The following AQP8 variants were observed in gnomAD, a reference collection of about 807,000 sequenced individuals.
The protein encoded by AQP8 is aquaporin-8.
Under a neutral mutation model 26.1 loss-of-function variants are expected in AQP8, and 14 were observed. The ratio of observed to expected loss-of-function variants is 0.54; its 90% CI spans 0.35 to 0.84. AQP8 has a LOEUF of 0.84. Among genes scored for constraint, AQP8 ranks in the 40% least tolerant of loss-of-function variants. The pLI, the probability that AQP8 is intolerant of heterozygous loss-of-function variation, is 0.01. For synonymous variants in AQP8, 131 were observed against 150.7 expected (o/e 0.87, Z 0.96); for missense variants, 301 against 340.5 (o/e 0.88, Z 0.91).
intron 3 of AQP8, among the ~76,000 whole-genome samples, chr16:25,222,304 C>T (rs1394771018): frequency 6.6e-6 from 1 of 152,134 alleles, no homozygotes; most frequent in Non-Finnish European, 1.5e-5. Context: ...CACTATTGTC[C>T]TATGACCCTG....
intron 5 of AQP8, among the ~76,000 whole-genome samples, chr16:25,228,144 G>C (rs897644873): frequency 6.6e-6 from 1 of 151,892 alleles, no homozygotes; most frequent in African/African-American, 2.4e-5. Context: ...GTGCTTGTCT[G>C]TAGTCCCAGC....
chr16:25,223,830 C>CT (rs112495757), intron 3 of AQP8, among the ~76,000 whole-genome samples: 5,506 of 144,294 alleles, frequency 0.038, 319 homozygotes, highest in African/African-American at 0.12. Flanking sequence ...TTTTCTTTTT[C>CT]TTTTTTTTTT....
intron 2 of AQP8, among the ~76,000 whole-genome samples, chr16:25,220,912 G>A (rs111949685): frequency 0.035 from 5,340 of 152,276 alleles, 120 homozygotes; most frequent in African/African-American, 0.051. Context: ...TAAGCCAGGC[G>A]TGGTGGCACA....
chr16:25,225,176 G>GTCAC (rs1962614553), intron 4 of AQP8, among the ~76,000 whole-genome samples: 1 of 152,192 alleles, frequency 6.6e-6, no homozygotes, highest in South Asian at 2.1e-4. Flanking sequence ...AGAGATAGGG[G>GTCAC]TCACGCTCTG....
intron 2 of AQP8, among the ~76,000 whole-genome samples, chr16:25,220,039 AAAAAAAC>A (rs760762038): frequency 9.2e-5 from 14 of 151,918 alleles, no homozygotes; most frequent in East Asian, 7.7e-4. Context: ...TGTCTCAAAA[AAAAAAAC>A]AAAAAACAAA....
Position 25,224,438 on chromosome 16 carries a change from CA to C in AQP8, c.465del (p.Ala157ArgfsTer8), listed in dbSNP as rs979065024. The C allele has an allele frequency of 1.2e-6, 2 of 1,614,032 alleles. No individual in the cohort carries two copies. Among genetic ancestry groups the C allele is most frequent in the African/African-American group, 2.7e-5 (2 of 74,916 alleles). ...FVTVQEQGQV[A>X]GALVAEIILT... Reference sequence around the variant, plus strand: ...ACAGTCCAGGAGCAGGGGCAGGTGGCAGGGGCGTTGGTGGCAGAGATCATCC... The same window carrying C: ...ACAGTCCAGGAGCAGGGGCAGGTGGCGGGGCGTTGGTGGCAGAGATCATCC... On this transcript the variant is annotated frameshift_variant, in exon 4 of 6. Transcript: ENST00000219660. LOFTEE classifies it high-confidence loss of function.
Position 25,228,636 on chromosome 16 carries a change from C to T in AQP8, c.*144C>T. ...CTTCCACTGCTTGGGCCTGCTTTCTCAGATAGACTGACTGCTGAGGAGGCT... is the reference window on the plus strand; with the variant it reads ...CTTCCACTGCTTGGGCCTGCTTTCTTAGATAGACTGACTGCTGAGGAGGCT... On this transcript the variant is annotated 3_prime_UTR_variant, in exon 6 of 6. Transcript: ENST00000219660. The T allele has an allele frequency of 2.6e-6, 2 of 769,294 alleles. No individual in the cohort carries two copies. Among genetic ancestry groups the T allele is most frequent in the Non-Finnish European group, 4.3e-6 (2 of 466,260 alleles). The allele number at this position is 769,294 out of a possible 1,614,324, so 47.7% of individuals were successfully genotyped here. A position where few individuals can be genotyped will look rare whatever the true frequency, so the allele number is the denominator to read the frequency against.
intron 2 of AQP8, among the ~76,000 whole-genome samples, chr16:25,218,317 T>C (rs1021620658): frequency 4.6e-5 from 7 of 152,148 alleles, no homozygotes; most frequent in African/African-American, 1.7e-4. Flanking sequence ...TGGTCCTGGC[T>C]TGTCAAGAGG....
Position 25,228,556 on chromosome 16 carries a change from CAG to C in AQP8, c.*65_*66del. 6.4e-7 allele frequency: 1 copy of C among 1,560,036 alleles called. No individual in the cohort carries two copies. Among genetic ancestry groups the C allele is most frequent in the Non-Finnish European group, 8.8e-7 (1 of 1,132,324 alleles). On this transcript the variant is annotated 3_prime_UTR_variant, in exon 6 of 6. Transcript: ENST00000219660. The stretch of plus-strand genomic sequence containing the variant: ...CAGCTCACCTGTCCCAGACTGAGGA[CAG>C]GGGAGTTCCTGCATTTCCTGCCAGG...
At chr16:25,221,698 T>C (rs1962565083) in intron 3 of AQP8, 115 bp downstream of exon 3, 1 of 1,309,546 alleles carries the variant, frequency 7.6e-7, no homozygotes, top group Admixed American at 2.3e-5. Flanking sequence ...ATCTTTTGCT[T>C]GTTTCTGCCA....
chr16:25,217,619 G>A (rs1468085287), intron 2 of AQP8, among the ~76,000 whole-genome samples, 174 bp downstream of exon 2: 1 of 152,248 alleles, frequency 6.6e-6, no homozygotes, highest in Non-Finnish European at 1.5e-5. Flanking sequence ...CGCAGCCTGT[G>A]AGCTTGTGAC....
At chr16:25,220,045 AC>A (rs766406390) in intron 2 of AQP8, among the ~76,000 whole-genome samples, 4,289 of 149,618 alleles carry the variant, frequency 0.029, 81 homozygotes, top group African/African-American at 0.038. Context: ...AAAAAAAAAA[AC>A]AAAAAACAAA....
chr16:25,222,404 G>T (rs2002522), intron 3 of AQP8, among the ~76,000 whole-genome samples: 6 of 151,188 alleles, frequency 4.0e-5, no homozygotes, highest in African/African-American at 1.2e-4. Flanking sequence ...GTGGGCTCTC[G>T]CTGTGTTGAC....
At chr16:25,225,409 G>A (rs763790485) in intron 4 of AQP8, among the ~76,000 whole-genome samples, 32 of 152,026 alleles carry the variant, frequency 2.1e-4, no homozygotes, top group Non-Finnish European at 1.2e-4. Flanking sequence ...GCTGGGGAAT[G>A]TGTGTGTAAA....
chr16:25,223,830 CTTTTTT>C (rs112495757), intron 3 of AQP8, among the ~76,000 whole-genome samples: 1 of 144,458 alleles, frequency 6.9e-6, no homozygotes, highest in South Asian at 2.2e-4. Context: ...TTTTCTTTTT[CTTTTTT>C]TTTTTTTTGA....
intron 3 of AQP8, among the ~76,000 whole-genome samples, chr16:25,222,458 T>G (rs141264428): frequency 6.6e-6 from 1 of 152,182 alleles, no homozygotes; most frequent in East Asian, 1.9e-4. Flanking sequence ...CTTCCTGCCT[T>G]GGCCTCCCAA....
rs1221505370 is a variant in AQP8 at position 25,221,601 on chromosome 16, G to A, written c.387+18G>A. ...TGGCCAAGGTGGGTAAACCCCAGGG[G>A]CTGGGCTAGTCTTCCTCTCTGATGG... On this transcript the variant is annotated intron_variant, in intron 3 of 5. Transcript: ENST00000219660. 2 of 1,613,770 alleles carry A rather than the reference G, an allele frequency of 1.2e-6. No homozygotes were observed. Among genetic ancestry groups the A allele is most frequent in the South Asian group, 2.2e-5 (2 of 91,060 alleles).
In AQP8 at chr16:25,228,523, G is replaced by A. The variant is rs1962665427; in HGVS notation, c.*31G>A. 1.2e-5 allele frequency: 20 copies of A among 1,612,650 alleles called. No homozygotes were observed. The highest frequency in any genetic ancestry group is 1.7e-5 in the Non-Finnish European group (20 of 1,178,766). On this transcript the variant is annotated 3_prime_UTR_variant, in exon 6 of 6. Transcript: ENST00000219660. Reference sequence around the variant, plus strand: ...AGCTCGTGGGATTCCTGCTGCTCCAGGTGTCCTCAGCTCACCTGTCCCAGA... The same window carrying A: ...AGCTCGTGGGATTCCTGCTGCTCCAAGTGTCCTCAGCTCACCTGTCCCAGA...
rs376669704 is a variant in AQP8 at position 25,223,530 on chromosome 16, C to T, written c.388-832C>T. Among the ~76,000 whole-genome samples the T allele has an allele frequency of 6.0e-4, 84 of 140,358 alleles. 1 individual carries two copies. The Middle Eastern group carries it at 0.017, about 29-fold the overall frequency. The allele number at this position is 140,358 out of a possible 152,430, so 92.1% of individuals were successfully genotyped here. A position where few individuals can be genotyped will look rare whatever the true frequency, so the allele number is the denominator to read the frequency against. On this transcript the variant is annotated intron_variant, in intron 3 of 5. Coordinates refer to ENST00000219660, the MANE Select transcript of AQP8 (RefSeq NM_001169.3). ...GCCTGGGCAACATAGTAAGACCTTC[C>T]ATCTCTACAAAAAATTTTAAAAAAA...
Sources: gnomAD v4.1 joint callset for allele counts (sites outside exome capture counted in the v4.1 genomes callset) on GRCh38, gnomAD v4.1.1 for gene constraint, MANE v1.5 for transcripts, NCBI Gene and HGNC (gene_info 2026-07-23, HGNC 2026-07-21) for gene names.